Variants in COL23A1 observed in about 807,000 individuals in gnomAD.
COL23A1 encodes the protein collagen alpha-1(XXIII) chain.
COL23A1 carries 97 observed loss-of-function variants against 99.3 expected under a neutral mutation model. The ratio of observed to expected loss-of-function variants is 0.98; its 90% confidence interval spans 0.83 to 1.16. The LOEUF (loss-of-function observed/expected upper bound fraction) is 1.16. Ranked by LOEUF, COL23A1 falls within the 50% of genes most tolerant of loss-of-function variation. The probability of loss-of-function intolerance (pLI) is 0.00; values close to 1 mark genes in which losing one functional copy is unlikely to be tolerated. For missense variants in COL23A1, 762 were observed against 757.4 expected (o/e 1.01, Z -0.07); for synonymous variants, 320 against 308.2 (o/e 1.04, Z -0.40).
In COL23A1 at chr5:178,281,436, T is replaced by C. The variant is rs1355420149; in HGVS notation, c.441+6888A>G. ...ACATTTCAGCCCAGAGCTCTCGCAG[T>C]CCCCTGGGGCCCCGGCTGTCGCTGC... On this transcript the variant is annotated intron_variant, in intron 5 of 28. Coordinates refer to ENST00000390654, the MANE Select transcript of COL23A1 (RefSeq NM_173465.4). The surrounding 1 kb of genome is among the most constrained non-coding windows in gnomAD (Gnocchi z 4.0). Among the ~76,000 whole-genome samples the C allele has an allele frequency of 6.6e-6, 1 of 152,034 alleles. No individual in the cohort carries two copies. Among genetic ancestry groups the C allele is most frequent in the African/African-American group, 2.4e-5 (1 of 41,404 alleles).
rs1765244135 is a variant in COL23A1, at chr5:178,415,258, G to A, written c.362-108339C>T. ...TGGGGTCCACATGGTGCCAGTTACA[G>A]TGCTCAGTGGGGACGAGCCCGCCTT... On this transcript the variant is annotated intron_variant, in intron 2 of 28. Transcript: ENST00000390654. This position sits in a 1 kb window ranked among gnomAD's most constrained non-coding sequence, Gnocchi z 4.6. Among the ~76,000 whole-genome samples, 1 of 152,200 alleles carries A rather than the reference G, an allele frequency of 6.6e-6. No individual in the cohort carries two copies.
intron 2 of COL23A1, among the ~76,000 whole-genome samples, chr5:178,350,145 C>T (rs1172756522): frequency 6.6e-6 from 1 of 152,232 alleles, no homozygotes; most frequent in Non-Finnish European, 1.5e-5. Flanking sequence ...GAGCACTTTC[C>T]CACGCAGTCA....
At chr5:178,545,139 TG>T (rs1358625158) in intron 2 of COL23A1, among the ~76,000 whole-genome samples, 4 of 136,720 alleles carry the variant, frequency 2.9e-5, no homozygotes, top group Non-Finnish European at 6.2e-5. Context: ...CCCCACAGTA[TG>T]AGGGCCATAG....
intron 2 of COL23A1, among the ~76,000 whole-genome samples, chr5:178,496,281 A>C (rs1758193794): frequency 6.6e-6 from 1 of 152,196 alleles, no homozygotes. Flanking sequence ...AAACAAGATG[A>C]GGCCCCGAAG....
chr5:178,288,638 C>G (rs1013913796), intron 4 of COL23A1: 1 of 545,412 alleles, frequency 1.8e-6, no homozygotes, highest in Non-Finnish European at 3.4e-6. Context: ...GTAAATGCCA[C>G]GTGGGGACGT....
intron 2 of COL23A1, among the ~76,000 whole-genome samples, chr5:178,543,718 T>A (rs574740892): frequency 6.6e-6 from 1 of 152,244 alleles, no homozygotes; most frequent in South Asian, 2.1e-4. Context: ...AAACGGCCTG[T>A]CTTAGCCTGT....
At chr5:178,572,266 A>G (rs418146) in intron 1 of COL23A1, among the ~76,000 whole-genome samples, 64,956 of 151,860 alleles carry the variant, frequency 0.43, 16,047 homozygotes, top group African/African-American at 0.69. Context: ...AAAGAAGACA[A>G]CTAGTGAACT....
chr5:178,485,306 T>C (rs187718184), intron 2 of COL23A1, among the ~76,000 whole-genome samples: 105 of 150,882 alleles, frequency 7.0e-4, no homozygotes, highest in African/African-American at 2.4e-3. Context: ...ACCCTATCTC[T>C]ACAAAAAATA....
intron 2 of COL23A1, among the ~76,000 whole-genome samples, chr5:178,332,490 C>T (rs558706687): frequency 5.5e-4 from 84 of 152,262 alleles, no homozygotes; most frequent in African/African-American, 1.9e-3. Context: ...TCCCACTACC[C>T]TTTTTTCTTT....
intron 2 of COL23A1, among the ~76,000 whole-genome samples, chr5:178,358,655 CGT>C (rs1301058559): frequency 3.9e-5 from 4 of 102,920 alleles, no homozygotes; most frequent in South Asian, 3.3e-4. Flanking sequence ...TGTATGTGTA[CGT>C]GTGTATGTGT....
chr5:178,245,915 T>C, intron 25 of COL23A1, 27 bp downstream of exon 25: 1 of 1,613,780 alleles, frequency 6.2e-7, no homozygotes, highest in Non-Finnish European at 8.5e-7. Flanking sequence ...GGCACCCAAT[T>C]ACTCAAAGTG....
At chr5:178,518,484 C>G (rs1304246447) in intron 2 of COL23A1, among the ~76,000 whole-genome samples, 3 of 147,008 alleles carry the variant, frequency 2.0e-5, no homozygotes, top group South Asian at 2.2e-4. Context: ...CGGGCAGAGG[C>G]GCCCCTCACC....
intron 2 of COL23A1, among the ~76,000 whole-genome samples, chr5:178,466,551 C>A (rs1756432706): frequency 1.3e-5 from 2 of 152,262 alleles, no homozygotes; most frequent in Middle Eastern, 6.8e-3. Context: ...GAGGCAGCAC[C>A]CTCACCTTGA....
intron 2 of COL23A1, among the ~76,000 whole-genome samples, chr5:178,491,519 G>C (rs983608066): frequency 1.3e-5 from 2 of 152,028 alleles, no homozygotes; most frequent in African/African-American, 4.8e-5. Context: ...CTACATTTAA[G>C]GATCCTCAAA....
chr5:178,566,844 C>T (rs1191507682), intron 1 of COL23A1, among the ~76,000 whole-genome samples: 1 of 151,806 alleles, frequency 6.6e-6, no homozygotes, highest in East Asian at 1.9e-4. Context: ...GAAAAGAAAA[C>T]TCTAAGGCTG....
Position 178,343,750 on chromosome 5 carries a change from C to T in COL23A1, c.362-36831G>A, listed in dbSNP as rs2913798. Among the ~76,000 whole-genome samples, 960 of 151,692 alleles carry T rather than the reference C, an allele frequency of 6.3e-3. 4 individuals are homozygous for T. Among genetic ancestry groups the T allele is most frequent in the Middle Eastern group, 0.01 (3 of 294 alleles). On this transcript the variant is annotated intron_variant, in intron 2 of 28. Coordinates refer to ENST00000390654, the MANE Select transcript of COL23A1 (RefSeq NM_173465.4). Reference sequence around the variant, plus strand: ...TGATCTTGGCTCACTGCAACCTCTGCCTCCTGGGTTCAAGCACTTCTCCTG... The same window carrying T: ...TGATCTTGGCTCACTGCAACCTCTGTCTCCTGGGTTCAAGCACTTCTCCTG...
intron 2 of COL23A1, among the ~76,000 whole-genome samples, chr5:178,320,561 C>A (rs1192401376): frequency 6.6e-6 from 1 of 152,222 alleles, no homozygotes; most frequent in Non-Finnish European, 1.5e-5. Context: ...CAGACCACAG[C>A]TTTGGAGGAG....
chr5:178,329,192 C>T (rs912851943), intron 2 of COL23A1, among the ~76,000 whole-genome samples: 2 of 152,206 alleles, frequency 1.3e-5, no homozygotes, highest in South Asian at 2.1e-4. Flanking sequence ...TTCCAAATTT[C>T]GTGAAACAAA....
chr5:178,268,797 G>A (rs535112433), intron 6 of COL23A1, 41 bp from the exon 7 acceptor site: 2 of 1,574,436 alleles, frequency 1.3e-6, no homozygotes, highest in Admixed American at 3.5e-5. Context: ...CTGAGTGAGG[G>A]GCCTAGGCTG....
Sources: gnomAD v4.1 joint callset for allele counts (sites outside exome capture counted in the v4.1 genomes callset) on GRCh38, gnomAD v4.1.1 for gene constraint, Gnocchi (gnomAD v3.1) non-coding constraint, MANE v1.5 for transcripts, NCBI Gene and HGNC (gene_info 2026-07-23, HGNC 2026-07-21) for gene names.